The following ZNF518A variants were observed in gnomAD, a reference collection of about 807,000 sequenced individuals.
The protein encoded by ZNF518A is zinc finger protein 518.
In ZNF518A, 47 loss-of-function variants were observed where a neutral mutation model predicts 102.7. The observed-to-expected ratio is 0.46, with a 90% CI of 0.36 to 0.58. The LOEUF (loss-of-function observed/expected upper bound fraction) is 0.58, where lower values mean the gene tolerates loss of function less well. ZNF518A is among the 20% of genes least tolerant of loss of function. ZNF518A has a pLI of 0.00. For missense variants in ZNF518A, 1,793 were observed against 1,699.8 expected (o/e 1.05, Z -0.96); for synonymous variants, 652 against 594.6 (o/e 1.10, Z -1.40).
chr10:96,160,886 C>A lies in ZNF518A; in HGVS notation c.*112C>A. On this transcript the variant is annotated 3_prime_UTR_variant, in exon 6 of 6. Transcript: ENST00000316045. ...CTTCAGTATAGTACCTGAAATCGAA[C>A]ATTTTAAAAGTTGATTGTATTTCTG... 1 of 1,141,590 alleles carries A rather than the reference C, an allele frequency of 8.8e-7. No individual in the cohort carries two copies. Among genetic ancestry groups the A allele is most frequent in the Non-Finnish European group, 1.2e-6 (1 of 854,194 alleles). 70.7% of individuals were successfully genotyped at this position (1,141,590 alleles called of 1,614,324 possible). A position where few individuals can be genotyped will look rare whatever the true frequency, so the allele number is the denominator to read the frequency against.
intron 1 of ZNF518A, among the ~76,000 whole-genome samples, chr10:96,192,866 A>C (rs186341333): frequency 1.6e-4 from 25 of 152,358 alleles, no homozygotes; most frequent in African/African-American, 6.0e-4. Context: ...AAATGTATTT[A>C]GAATCACTTT....
At position 96,133,568 on chromosome 10, in the gene ZNF518A, C is replaced by T. The variant is rs1554873122; in HGVS notation, c.-367-15C>T. On this transcript the variant is annotated splice_polypyrimidine_tract_variant and intron_variant, in intron 2 of 5. Transcript: ENST00000316045. ...CCTCAAAACACAGATGTCTCCTACT[C>T]TTTGTGTTGGATAGGTCCTGGGATC... is the stretch of plus-strand genomic sequence containing the variant. 1 of 152,168 alleles carries T rather than the reference C, an allele frequency of 6.6e-6. No individual in the cohort carries two copies. The highest frequency in any genetic ancestry group is 1.5e-5 in the Non-Finnish European group (1 of 68,016). The allele number at this position is 152,168 out of a possible 1,614,324, so 9.4% of individuals were successfully genotyped here.
chr10:96,172,754 CAAATT>C (rs1467227243), intron 1 of ZNF518A, among the ~76,000 whole-genome samples: 2 of 151,580 alleles, frequency 1.3e-5, no homozygotes, highest in African/African-American at 4.8e-5. Flanking sequence ...AAAGGAGAAA[CAAATT>C]AACAAAAAAG....
At chr10:96,181,819 G>A (rs782721009) in intron 1 of ZNF518A, among the ~76,000 whole-genome samples, 5 of 152,118 alleles carry the variant, frequency 3.3e-5, no homozygotes, top group South Asian at 2.1e-4. Flanking sequence ...TTGGCAATGC[G>A]GGCTCTTTTT....
chr10:96,171,050 G>T (rs1554890849), intron 1 of ZNF518A, among the ~76,000 whole-genome samples: 1 of 151,710 alleles, frequency 6.6e-6, no homozygotes, highest in East Asian at 1.9e-4. Flanking sequence ...AGATGATGAG[G>T]CCAGGAAGAG....
At chr10:96,170,838 TA>T (rs2083169014) in intron 1 of ZNF518A, among the ~76,000 whole-genome samples, 1 of 152,196 alleles carries the variant, frequency 6.6e-6, no homozygotes, top group African/African-American at 2.4e-5. Flanking sequence ...TACATCTGAT[TA>T]TGCATTTTAA....
At chr10:96,201,125 C>A in intron 1 of ZNF518A, 1 of 1,377,186 alleles carries the variant, frequency 7.3e-7, no homozygotes. Context: ...ATGCCTATCC[C>A]CTAACACTGT....
At chr10:96,144,716 G>A (rs1446211501) in intron 3 of ZNF518A, among the ~76,000 whole-genome samples, 1 of 152,016 alleles carries the variant, frequency 6.6e-6, no homozygotes, top group Admixed American at 6.6e-5. Context: ...TCAGTAGTTT[G>A]GTTAGTGAAC....
intron 3 of ZNF518A, among the ~76,000 whole-genome samples, chr10:96,136,617 C>T (rs587687207): frequency 1.5e-4 from 22 of 151,596 alleles, no homozygotes; most frequent in African/African-American, 4.8e-4. Flanking sequence ...CCCAGGAGTT[C>T]AAGACTAGCC....
downstream of ZNF518A, chr10:96,204,346 G>T (rs191871512): frequency 1.2e-5 from 9 of 730,960 alleles, no homozygotes; most frequent in Admixed American, 2.1e-4. Flanking sequence ...CCAATTAGTA[G>T]GTCTCTGCAA....
At chr10:96,175,147 C>T (rs1296482423) in intron 1 of ZNF518A, among the ~76,000 whole-genome samples, 1 of 152,076 alleles carries the variant, frequency 6.6e-6, no homozygotes, top group Non-Finnish European at 1.5e-5. Context: ...GTTATAGCAC[C>T]CAGAGCTGAT....
At chr10:96,180,512 T>C in intron 1 of ZNF518A, among the ~76,000 whole-genome samples, 1 of 141,696 alleles carries the variant, frequency 7.1e-6, no homozygotes, top group East Asian at 2.4e-4. Flanking sequence ...CACCCCACAA[T>C]AGGCCCCAGT....
At chr10:96,204,163 GA>G, downstream of ZNF518A, 1 of 1,477,238 alleles carries the variant, frequency 6.8e-7, no homozygotes, top group Non-Finnish European at 9.5e-7. Flanking sequence ...TTACACTGAT[GA>G]TGCTGTGAAC....
chr10:96,184,708 G>A (rs587769022), intron 1 of ZNF518A, among the ~76,000 whole-genome samples: 19 of 152,214 alleles, frequency 1.2e-4, no homozygotes, highest in South Asian at 4.2e-4. Flanking sequence ...TGGGTAACCC[G>A]ACCTTTCTCT....
At chr10:96,180,190 T>A (rs1554891890) in intron 1 of ZNF518A, among the ~76,000 whole-genome samples, 1 of 144,748 alleles carries the variant, frequency 6.9e-6, no homozygotes, top group Non-Finnish European at 1.5e-5. Flanking sequence ...CTTTTTTTTT[T>A]TTTTTTTTTT....
intron 1 of ZNF518A, among the ~76,000 whole-genome samples, chr10:96,176,792 AG>A (rs57438263): frequency 1 from 152,319 of 152,320 alleles, 76,159 homozygotes; most frequent in Middle Eastern, 1. Flanking sequence ...GCTACTCAGG[AG>A]GGCTGACGCA....
intron 1 of ZNF518A, among the ~76,000 whole-genome samples, chr10:96,177,587 C>T (rs2083213160): frequency 6.6e-6 from 1 of 152,014 alleles, no homozygotes; most frequent in African/African-American, 2.4e-5. Context: ...TGGAGGAGTA[C>T]TGTTGTATTT....
In ZNF518A at chr10:96,200,362, C is replaced by G. The variant is rs906435326; in HGVS notation, n.36-3212C>G. 6.6e-6 allele frequency among the ~76,000 whole-genome samples: 1 copy of G among 151,942 alleles called. No individual in the cohort carries two copies. Among genetic ancestry groups the G allele is most frequent in the Non-Finnish European group, 1.5e-5 (1 of 67,980 alleles). Reference sequence around the variant, plus strand: ...TTTTTGTATTTTTTTTTCATTTGGCCTTAGCTAGGTTCCTGAATTATTTCT... The same window carrying G: ...TTTTTGTATTTTTTTTTCATTTGGCGTTAGCTAGGTTCCTGAATTATTTCT... On this transcript the variant is annotated intron_variant and non_coding_transcript_variant, in intron 1 of 2. Transcript: ENST00000442635. This position sits in a 1 kb window ranked among gnomAD's most constrained non-coding sequence, Gnocchi z 4.3.
At chr10:96,203,840 A>C in intron 2 of ZNF518A, 1 of 426,448 alleles carries the variant, frequency 2.3e-6, no homozygotes, top group Non-Finnish European at 4.2e-6. Context: ...ATCGCTACTA[A>C]AAAAAGTAAA....
Sources: gnomAD v4.1 joint callset for allele counts (sites outside exome capture counted in the v4.1 genomes callset) on GRCh38, gnomAD v4.1.1 for gene constraint, Gnocchi (gnomAD v3.1) non-coding constraint, MANE v1.5 for transcripts, NCBI Gene and HGNC (gene_info 2026-07-23, HGNC 2026-07-21) for gene names.